Variants in ADAMTSL1 observed in about 807,000 individuals in gnomAD.
ADAMTSL1 encodes the protein ADAMTS like 1, also known as ADAMTS-like protein 1.
In ADAMTSL1, 126 loss-of-function variants were observed where a neutral mutation model predicts 201.8. That is an observed-to-expected ratio of 0.62 (90% CI 0.54 to 0.72). ADAMTSL1 has a LOEUF of 0.72. ADAMTSL1 is among the 30% of genes least tolerant of loss of function. ADAMTSL1 has a pLI of 0.00. For missense variants in ADAMTSL1, 2,679 were observed against 2,277.8 expected (o/e 1.18, Z -3.59); for synonymous variants, 1,121 against 903.4 (o/e 1.24, Z -4.32).
chr9:18,357,737 T>C (rs1426998207), intron 2 of ADAMTSL1, among the ~76,000 whole-genome samples: 1 of 152,184 alleles, frequency 6.6e-6, no homozygotes, highest in East Asian at 1.9e-4. Context: ...GTATAATATA[T>C]ATTTCATTTG....
At chr9:18,077,929 T>C (rs1296282839) in intron 1 of ADAMTSL1, among the ~76,000 whole-genome samples, 1 of 152,046 alleles carries the variant, frequency 6.6e-6, no homozygotes, top group Non-Finnish European at 1.5e-5. Context: ...GGGTGAGAAG[T>C]CAAGGCATCC....
chr9:18,049,701 G>A (rs929839723), intron 1 of ADAMTSL1, among the ~76,000 whole-genome samples: 1 of 151,232 alleles, frequency 6.6e-6, no homozygotes, highest in African/African-American at 2.4e-5. Context: ...TTGGCTCACT[G>A]CAAGCCCCGC....
chr9:18,221,450 C>T (rs1830257363), intron 2 of ADAMTSL1, among the ~76,000 whole-genome samples: 1 of 152,088 alleles, frequency 6.6e-6, no homozygotes, highest in Admixed American at 6.5e-5. Context: ...CTTATTTATC[C>T]TTCACATCTT....
At chr9:18,228,678 C>G (rs908724976) in intron 2 of ADAMTSL1, among the ~76,000 whole-genome samples, 2 of 152,072 alleles carry the variant, frequency 1.3e-5, no homozygotes, top group African/African-American at 4.8e-5. Context: ...CCTAGGCCTC[C>G]TAAAGTGCTG....
chr9:17,999,018 C>G (rs868409160), intron 1 of ADAMTSL1, among the ~76,000 whole-genome samples: 1 of 152,020 alleles, frequency 6.6e-6, no homozygotes, highest in African/African-American at 2.4e-5. Flanking sequence ...AAAGCCCTCT[C>G]TTTGGGGAAA....
chr9:18,382,726 C>T (rs1837610155), intron 2 of ADAMTSL1, among the ~76,000 whole-genome samples: 1 of 152,136 alleles, frequency 6.6e-6, no homozygotes, highest in African/African-American at 2.4e-5. Flanking sequence ...AACGACATCA[C>T]AGTGTACTTC....
At chr9:17,983,064 CTTTCTTTCTTTCT>C (rs1185609607) in intron 1 of ADAMTSL1, among the ~76,000 whole-genome samples, 2 of 88,588 alleles carry the variant, frequency 2.3e-5, no homozygotes, top group Non-Finnish European at 4.3e-5. Flanking sequence ...TCTTTTCTTT[CTTTCTTTCTTTCT>C]TTTTTTTTTT....
chr9:18,622,290 C>G lies in ADAMTSL1; in HGVS notation c.522C>G (p.Asn174Lys), dbSNP rs770688698. 1 of 1,614,040 alleles carries G rather than the reference C, an allele frequency of 6.2e-7. No individual in the cohort carries two copies. Among genetic ancestry groups the G allele is most frequent in the East Asian group, 2.2e-5 (1 of 44,860 alleles). Residue 174 changes from asparagine (N) to lysine (K), a missense_variant, in exon 5 of 29, where the codon AAC (asparagine) becomes AAG (lysine). Coordinates refer to ENST00000380548, the MANE Select transcript of ADAMTSL1 (RefSeq NM_001040272.6). ...HQLGSTVKED[N>K]CGVCNGDGST... ...TGGGAAGCACCGTCAAGGAAGATAA[C>G]TGTGGGGTCTGCAACGGAGATGGGT...
chr9:18,203,925 A>C (rs936748995), intron 2 of ADAMTSL1, among the ~76,000 whole-genome samples: 1 of 152,156 alleles, frequency 6.6e-6, no homozygotes, highest in African/African-American at 2.4e-5. Context: ...TGTGTTCTCC[A>C]TGATTGTCAC....
chr9:18,824,690 CTTT>C (rs34551511), intron 21 of ADAMTSL1, among the ~76,000 whole-genome samples: 1 of 75,704 alleles, frequency 1.3e-5, no homozygotes, highest in Non-Finnish European at 2.2e-5. Context: ...GGACTTGACC[CTTT>C]TTTTTTTTTT....
chr9:18,649,131 A>G (rs1828022041), intron 7 of ADAMTSL1, among the ~76,000 whole-genome samples: 1 of 151,770 alleles, frequency 6.6e-6, no homozygotes, highest in African/African-American at 2.4e-5. Context: ...GCTTCATTTC[A>G]TTCATTTCAT....
chr9:18,572,664 C>G (rs1437048650), intron 3 of ADAMTSL1, among the ~76,000 whole-genome samples: 4 of 152,176 alleles, frequency 2.6e-5, no homozygotes, highest in East Asian at 1.9e-4. Flanking sequence ...GCTCCCTCAA[C>G]TACCAGAGCG....
At chr9:18,905,188 G>C (rs1830232694) in intron 26 of ADAMTSL1, among the ~76,000 whole-genome samples, 1 of 152,264 alleles carries the variant, frequency 6.6e-6, no homozygotes, top group African/African-American at 2.4e-5. Context: ...TTGTTGCTAG[G>C]TGTATTTACT....
intron 7 of ADAMTSL1, among the ~76,000 whole-genome samples, 179 bp downstream of exon 7, chr9:18,639,590 T>C (rs866289182): frequency 1.3e-5 from 2 of 152,090 alleles, no homozygotes; most frequent in Non-Finnish European, 2.9e-5. Flanking sequence ...TGAGGACATA[T>C]GATATTTCAA....
intron 1 of ADAMTSL1, among the ~76,000 whole-genome samples, chr9:18,114,021 C>G (rs895589738): frequency 1.3e-5 from 2 of 151,794 alleles, no homozygotes; most frequent in African/African-American, 4.8e-5. Flanking sequence ...GGAATAGAAG[C>G]TTGAGATAGA....
At chr9:18,011,309 C>A (rs1326013809) in intron 1 of ADAMTSL1, among the ~76,000 whole-genome samples, 3 of 152,012 alleles carry the variant, frequency 2.0e-5, no homozygotes, top group African/African-American at 7.2e-5. Flanking sequence ...TCAAATACTA[C>A]CTAAGGATTT....
intron 19 of ADAMTSL1, among the ~76,000 whole-genome samples, chr9:18,781,998 A>C (rs956127187): frequency 6.6e-6 from 1 of 152,222 alleles, no homozygotes; most frequent in African/African-American, 2.4e-5. Flanking sequence ...TCAGAAATGC[A>C]TGTCTGTCAA....
At chr9:18,775,384 C>T (rs1820916011) in intron 17 of ADAMTSL1, among the ~76,000 whole-genome samples, 1 of 152,270 alleles carries the variant, frequency 6.6e-6, no homozygotes, top group African/African-American at 2.4e-5. Context: ...ACTTAATTCC[C>T]AGGCTTGCAA....
chr9:18,644,499 T>C (rs147695677), intron 7 of ADAMTSL1, among the ~76,000 whole-genome samples: 2,853 of 152,130 alleles, frequency 0.019, 101 homozygotes, highest in African/African-American at 0.065. Flanking sequence ...AACTTGTCAT[T>C]TGGTATTAGG....
Sources: allele counts gnomAD v4.1 joint callset (sites outside exome capture counted in the v4.1 genomes callset), GRCh38; gene constraint gnomAD v4.1.1; transcripts MANE v1.5; gene names NCBI Gene and HGNC (gene_info 2026-07-23, HGNC 2026-07-21).